Variants in GRIK1 observed in about 807,000 individuals in gnomAD.
GRIK1 encodes glutamate ionotropic receptor kainate type subunit 1.
GRIK1 carries 69 observed loss-of-function variants against 105.7 expected under a neutral mutation model. The observed-to-expected ratio is 0.65, with a 90% CI of 0.54 to 0.80. The LOEUF (loss-of-function observed/expected upper bound fraction) is 0.80. Among genes scored for constraint, GRIK1 ranks in the 30% least tolerant of loss-of-function variants. GRIK1 has a pLI of 0.00. For synonymous variants in GRIK1, 438 were observed against 431.3 expected (o/e 1.02, Z -0.19); for missense variants, 1,109 against 1,167.3 (o/e 0.95, Z 0.73).
At chr21:29,848,755 G>GTATATATA (rs1555898463) in intron 1 of GRIK1, among the ~76,000 whole-genome samples, 1 of 91,226 alleles carries the variant, frequency 1.1e-5, no homozygotes, top group Non-Finnish European at 2.0e-5. Flanking sequence ...AGTTGTGTGT[G>GTATATATA]TATATATATA....
chr21:29,539,845 G>A (rs1401588515), intron 16 of GRIK1, among the ~76,000 whole-genome samples: 1 of 152,152 alleles, frequency 6.6e-6, no homozygotes, highest in African/African-American at 2.4e-5. Context: ...ACTTACCCAA[G>A]AAAAAGAGCT....
chr21:29,647,661 T>C (rs2062647363), intron 6 of GRIK1, among the ~76,000 whole-genome samples: 1 of 152,184 alleles, frequency 6.6e-6, no homozygotes, highest in Non-Finnish European at 1.5e-5. Flanking sequence ...AAGGACCCAT[T>C]TGAGAATGAA....
chr21:29,919,119 A>G (rs928700557), intron 1 of GRIK1, among the ~76,000 whole-genome samples: 1 of 152,014 alleles, frequency 6.6e-6, no homozygotes, highest in Non-Finnish European at 1.5e-5. Flanking sequence ...TGGAGGAGGA[A>G]CTCAGCCACA....
At chr21:29,586,521 T>C (rs1488742420) in intron 12 of GRIK1, among the ~76,000 whole-genome samples, 2 of 152,192 alleles carry the variant, frequency 1.3e-5, no homozygotes, top group African/African-American at 2.4e-5. Context: ...CTGAGTTTTG[T>C]TGAAAGGTGA....
intron 1 of GRIK1, among the ~76,000 whole-genome samples, chr21:29,920,764 G>A (rs1375776088): frequency 6.6e-6 from 1 of 151,932 alleles, no homozygotes; most frequent in Non-Finnish European, 1.5e-5. Context: ...GTAACTTGCT[G>A]TAGTGTCTGT....
chr21:29,588,603 A>G (rs1338238648), intron 11 of GRIK1, among the ~76,000 whole-genome samples: 1 of 152,194 alleles, frequency 6.6e-6, no homozygotes, highest in Non-Finnish European at 1.5e-5. Flanking sequence ...TCCCAGTCTC[A>G]GGAAGTTCTT....
At chr21:29,669,595 A>T (rs2063126014) in intron 4 of GRIK1, among the ~76,000 whole-genome samples, 1 of 152,168 alleles carries the variant, frequency 6.6e-6, no homozygotes, top group Non-Finnish European at 1.5e-5. Flanking sequence ...ATGGCAGCCT[A>T]GCCAGGCTCA....
At chr21:29,911,238 C>T (rs2070804098) in intron 1 of GRIK1, among the ~76,000 whole-genome samples, 1 of 152,028 alleles carries the variant, frequency 6.6e-6, no homozygotes, top group Non-Finnish European at 1.5e-5. Flanking sequence ...AACCGGGCAA[C>T]AGGACTTCAG....
At chr21:29,793,063 G>T (rs1441648707) in intron 1 of GRIK1, among the ~76,000 whole-genome samples, 1 of 152,028 alleles carries the variant, frequency 6.6e-6, no homozygotes, top group Non-Finnish European at 1.5e-5. Context: ...TCCCTCATAC[G>T]CAGGCTGTGA....
rs562675627 is a variant in GRIK1 at position 29,626,668 on chromosome 21, A to G, written c.1098+16158T>C. Among the ~76,000 whole-genome samples, 5 of 152,250 alleles carry G rather than the reference A, an allele frequency of 3.3e-5. No homozygotes were observed. In the East Asian group the frequency reaches 9.6e-4, roughly 29 times the overall value. On this transcript the variant is annotated intron_variant, in intron 7 of 17. Transcript: ENST00000327783. ...TTCTCTCTCTAGTTTTTGCTAATTG[A>G]TTCATGCACTCCAGTCATAATTTTA...
chr21:29,823,634 AGGAG>A (rs1291928149), intron 1 of GRIK1, among the ~76,000 whole-genome samples: 1 of 151,936 alleles, frequency 6.6e-6, no homozygotes, highest in Non-Finnish European at 1.5e-5. Context: ...AACTTGACCA[AGGAG>A]TACTCTTACA....
chr21:29,636,221 G>A (rs2062395264), intron 7 of GRIK1, among the ~76,000 whole-genome samples: 1 of 152,166 alleles, frequency 6.6e-6, no homozygotes, highest in Non-Finnish European at 1.5e-5. Flanking sequence ...GGTATTTGAT[G>A]TTAAATCAAC....
intron 1 of GRIK1, among the ~76,000 whole-genome samples, chr21:29,822,714 A>G (rs930985688): frequency 6.6e-6 from 1 of 152,014 alleles, no homozygotes. Flanking sequence ...CCTATAGAAT[A>G]AAACCACACA....
intron 1 of GRIK1, among the ~76,000 whole-genome samples, chr21:29,826,045 G>A (rs890270166): frequency 6.6e-6 from 1 of 152,108 alleles, no homozygotes; most frequent in African/African-American, 2.4e-5. Flanking sequence ...GGGATAATGA[G>A]ACTGAGAAAA....
At chr21:29,550,404 A>G (rs1452610217) in intron 16 of GRIK1, among the ~76,000 whole-genome samples, 1 of 152,206 alleles carries the variant, frequency 6.6e-6, no homozygotes, top group African/African-American at 2.4e-5. Flanking sequence ...CAATCAAGCA[A>G]TCAACAGCAA....
At chr21:29,670,349 C>T (rs938672612) in intron 4 of GRIK1, among the ~76,000 whole-genome samples, 2 of 152,182 alleles carry the variant, frequency 1.3e-5, no homozygotes, top group African/African-American at 4.8e-5. Flanking sequence ...ATCCTACTCC[C>T]CGCTGTACCA....
intron 9 of GRIK1, among the ~76,000 whole-genome samples, chr21:29,592,972 G>A (rs1039512670): frequency 1.3e-5 from 2 of 152,108 alleles, no homozygotes; most frequent in Admixed American, 1.3e-4. Flanking sequence ...GGAGTGTTAG[G>A]CTCCATCCTC....
At chr21:29,907,445 G>A (rs1281372612) in intron 1 of GRIK1, among the ~76,000 whole-genome samples, 1 of 152,018 alleles carries the variant, frequency 6.6e-6, no homozygotes, top group Admixed American at 6.5e-5. Context: ...GGTGACAGAC[G>A]TGTCCCCCGA....
chr21:29,817,685 A>C (rs1042698153), intron 1 of GRIK1, among the ~76,000 whole-genome samples: 1 of 152,148 alleles, frequency 6.6e-6, no homozygotes, highest in Non-Finnish European at 1.5e-5. Flanking sequence ...AACTGGACCA[A>C]GCCAAACCTG....
Sources: gnomAD v4.1 joint callset for allele counts (sites outside exome capture counted in the v4.1 genomes callset) on GRCh38, gnomAD v4.1.1 for gene constraint, MANE v1.5 for transcripts, NCBI Gene and HGNC (gene_info 2026-07-23, HGNC 2026-07-21) for gene names.